The following CEP192 variants were observed in gnomAD, a reference collection of about 807,000 sequenced individuals.
CEP192 encodes the protein centrosomal protein of 192 kDa.
A neutral mutation model predicts 271.8 loss-of-function variants in CEP192; 151 were observed. That is an observed-to-expected ratio of 0.56 (90% CI 0.49 to 0.64). The LOEUF is 0.64. Ranked by LOEUF, CEP192 falls within the 30% of genes least tolerant of loss-of-function variation. CEP192 has a pLI of 0.00. For synonymous variants in CEP192, 995 were observed against 1,076.5 expected (o/e 0.92, Z 1.48); for missense variants, 2,910 against 3,020.5 (o/e 0.96, Z 0.86).
chr18:12,998,816 G>C (rs2033424875), intron 1 of CEP192, among the ~76,000 whole-genome samples: 1 of 152,138 alleles, frequency 6.6e-6, no homozygotes, highest in African/African-American at 2.4e-5. Context: ...CCGTGGTCAG[G>C]TTCTCTAGTA....
chr18:13,027,799 AG>A (rs1568301956), intron 9 of CEP192, among the ~76,000 whole-genome samples: 2 of 151,650 alleles, frequency 1.3e-5, no homozygotes, highest in African/African-American at 4.8e-5. Context: ...AATCTTTGCA[AG>A]TGTTGTATAT....
intron 15 of CEP192, among the ~76,000 whole-genome samples, chr18:13,047,215 T>C (rs1372808904): frequency 6.6e-6 from 1 of 152,192 alleles, no homozygotes; most frequent in Non-Finnish European, 1.5e-5. Flanking sequence ...CATTCGTTTA[T>C]TGGAATTGAG....
intron 40 of CEP192, among the ~76,000 whole-genome samples, chr18:13,110,553 A>G (rs890392173): frequency 6.6e-6 from 1 of 152,126 alleles, no homozygotes; most frequent in Non-Finnish European, 1.5e-5. Context: ...CCCTTACTGT[A>G]TTAGGGTTCT....
chr18:13,051,470 T>G (rs1234681666), intron 17 of CEP192, among the ~76,000 whole-genome samples: 2 of 152,222 alleles, frequency 1.3e-5, no homozygotes, highest in Non-Finnish European at 2.9e-5. Context: ...ATTTGGTTAG[T>G]AATACTTTGT....
At chr18:13,046,398 C>G (rs1004815912) in intron 15 of CEP192, among the ~76,000 whole-genome samples, 1 of 152,222 alleles carries the variant, frequency 6.6e-6, no homozygotes, top group African/African-American at 2.4e-5. Flanking sequence ...TTTCTACTTA[C>G]ACTTAATGGA....
chr18:13,011,234 A>C (rs1389033382), intron 4 of CEP192, among the ~76,000 whole-genome samples: 1 of 151,892 alleles, frequency 6.6e-6, no homozygotes, highest in East Asian at 1.9e-4. Flanking sequence ...CTCAAAAAAA[A>C]AAAAAAGAAA....
At chr18:12,992,160 T>G (rs2032901054) in intron 1 of CEP192, among the ~76,000 whole-genome samples, 1 of 152,114 alleles carries the variant, frequency 6.6e-6, no homozygotes, top group South Asian at 2.1e-4. Flanking sequence ...ATGACCATAT[T>G]TCCATTTGCT....
chr18:12,999,541 T>C lies in CEP192; in HGVS notation c.117T>C (p.Pro39=). 1 of 1,550,848 alleles carries C rather than the reference T, an allele frequency of 6.4e-7. No individual in the cohort carries two copies. Among genetic ancestry groups the C allele is most frequent in the Non-Finnish European group, 8.7e-7 (1 of 1,146,780 alleles). The change falls in exon 2 of 45, where the codon CCT becomes CCC. Residue 39 remains proline, a synonymous_variant. Transcript: ENST00000506447. ...NVTLSSNLGL[P]VAVSTLARDR... is the part of the protein sequence containing the mutation. ...CTCTTTCTTCAAATCTTGGCTTGCC[T>C]GTTGCTGTTTCTACACTTGCTAGGG...
At chr18:13,111,248 C>T (rs560914399) in intron 40 of CEP192, among the ~76,000 whole-genome samples, 2 of 152,310 alleles carry the variant, frequency 1.3e-5, no homozygotes, top group South Asian at 2.1e-4. Context: ...TCTCAGCCTC[C>T]CGAGTAGCTG....
At chr18:13,116,589 T>C in intron 43 of CEP192, 86 bp downstream of exon 43, 1 of 1,293,704 alleles carries the variant, frequency 7.7e-7, no homozygotes, top group Non-Finnish European at 1.1e-6. Flanking sequence ...TTCTGTAGAC[T>C]ATATTTAAGT....
intron 14 of CEP192, 98 bp from the exon 15 acceptor site, chr18:13,042,106 T>C: frequency 1.1e-6 from 1 of 946,426 alleles, no homozygotes; most frequent in Non-Finnish European, 1.6e-6. Flanking sequence ...AAAGACATCT[T>C]CCTTGGTAAA....
At chr18:13,090,760 A>G (rs945666931) in intron 33 of CEP192, among the ~76,000 whole-genome samples, 3 of 152,322 alleles carry the variant, frequency 2.0e-5, no homozygotes, top group African/African-American at 4.8e-5. Context: ...CTGTCCCACT[A>G]CAGCCCCACC....
chr18:13,074,243 T>A (rs1164029164), intron 30 of CEP192, among the ~76,000 whole-genome samples: 1 of 152,242 alleles, frequency 6.6e-6, no homozygotes, highest in Non-Finnish European at 1.5e-5. Flanking sequence ...GCTTTGACGC[T>A]GGAGCTTGAG....
chr18:13,098,859 A>G (rs941152825), intron 36 of CEP192, among the ~76,000 whole-genome samples: 7 of 152,276 alleles, frequency 4.6e-5, no homozygotes, highest in Admixed American at 1.3e-4. Flanking sequence ...AGCGAGCCGA[A>G]ATCACGCCAC....
chr18:13,026,628 C>T (rs772860658), intron 9 of CEP192, among the ~76,000 whole-genome samples: 2 of 152,170 alleles, frequency 1.3e-5, no homozygotes, highest in Non-Finnish European at 2.9e-5. Flanking sequence ...TTGGCATATC[C>T]TGGAGCTCAG....
At chr18:13,101,784 A>G (rs535339425) in intron 38 of CEP192, among the ~76,000 whole-genome samples, 30 of 152,156 alleles carry the variant, frequency 2.0e-4, no homozygotes, top group South Asian at 1.7e-3. Flanking sequence ...GAGGGCTCAC[A>G]GCAGTTCTCT....
chr18:13,059,131 T>C lies in CEP192; in HGVS notation c.4307T>C (p.Ile1436Thr). ...RCLVFKNKAIIRPHATEEIKV... is the reference protein window; with the variant it reads ...RCLVFKNKAITRPHATEEIKV... ...TTAGTTTTCAAGAATAAAGCCATCA[T>C]AAGACCTCATGCCACAGAAGAGATA... is the stretch of plus-strand genomic sequence containing the variant. Residue 1436 changes from isoleucine to threonine, a missense_variant, in exon 21 of 45, where the codon ATA becomes ACA. Ile to Thr is a moderately conservative substitution (Grantham distance 89). Coordinates refer to ENST00000506447, the MANE Select transcript of CEP192 (RefSeq NM_032142.4). 2 of 1,614,146 alleles carry C rather than the reference T, an allele frequency of 1.2e-6. No individual in the cohort carries two copies. The highest frequency in any genetic ancestry group is 4.5e-5 in the East Asian group (2 of 44,884).
At chr18:13,052,363 A>G (rs924619116) in intron 17 of CEP192, among the ~76,000 whole-genome samples, 1 of 152,130 alleles carries the variant, frequency 6.6e-6, no homozygotes, top group African/African-American at 2.4e-5. Context: ...AAGCTTTCCT[A>G]CTTTTTGTCC....
Position 13,052,864 on chromosome 18 carries a change from T to C in CEP192, c.3018-55T>C, listed in dbSNP as rs80182590. ...GCCCATAGGAATGGTTTTTTGCTAA[T>C]GTAGATAGTTGAAGGACTGGAGAAC... On this transcript the variant is annotated intron_variant, in intron 17 of 44. Coordinates refer to ENST00000506447, the MANE Select transcript of CEP192 (RefSeq NM_032142.4). 3,736 of 1,381,634 alleles carry C rather than the reference T, an allele frequency of 2.7e-3. 35 individuals are homozygous for C. Among genetic ancestry groups the C allele is most frequent in the African/African-American group, 0.022 (1,561 of 69,844 alleles). The allele number at this position is 1,381,634 out of a possible 1,614,324, so 85.6% of individuals were successfully genotyped here.
Sources: allele counts gnomAD v4.1 joint callset (sites outside exome capture counted in the v4.1 genomes callset), GRCh38; gene constraint gnomAD v4.1.1; transcripts MANE v1.5; gene names NCBI Gene and HGNC (gene_info 2026-07-23, HGNC 2026-07-21).